Variants in PTPRG observed in about 807,000 individuals in gnomAD.
The protein encoded by PTPRG is receptor-type tyrosine-protein phosphatase gamma.
Under a neutral mutation model 165.3 loss-of-function variants are expected in PTPRG, and 102 were observed. The ratio of observed to expected loss-of-function variants is 0.62; its 90% confidence interval spans 0.53 to 0.73. The LOEUF (loss-of-function observed/expected upper bound fraction) is 0.73, where lower values mean the gene tolerates loss of function less well. Ranked by LOEUF, PTPRG falls within the 30% of genes least tolerant of loss-of-function variation. The pLI, the probability that PTPRG is intolerant of heterozygous loss-of-function variation, is 0.00. For missense variants in PTPRG, 1,866 were observed against 1,861.4 expected (o/e 1.00, Z -0.05); for synonymous variants, 675 against 669.5 (o/e 1.01, Z -0.13).
chr3:62,089,159 G>C (rs767321224), intron 5 of PTPRG, among the ~76,000 whole-genome samples: 1 of 152,182 alleles, frequency 6.6e-6, no homozygotes, highest in Non-Finnish European at 1.5e-5. Flanking sequence ...GATAATGCCT[G>C]CCTGTCTCTT....
In PTPRG at chr3:61,620,543, T is replaced by C. The variant is rs549647904; in HGVS notation, c.85+58171T>C. Among the ~76,000 whole-genome samples, 8 of 152,328 alleles carry C rather than the reference T, an allele frequency of 5.3e-5. No homozygotes were observed. In the South Asian group the frequency reaches 1.7e-3, roughly 32 times the overall value. On this transcript the variant is annotated intron_variant, in intron 1 of 29. Coordinates refer to ENST00000474889, the MANE Select transcript of PTPRG (RefSeq NM_002841.4). ...GACTGAAATGAAACTTGAGGGTTTT[T>C]TTTGTTCCTCGTCCGGTGAATGGAG...
At chr3:62,003,248 T>C in intron 3 of PTPRG, 101 bp from the exon 4 acceptor site, 1 of 1,345,824 alleles carries the variant, frequency 7.4e-7, no homozygotes, top group South Asian at 1.4e-5. Context: ...AGGACATAAT[T>C]CATATCATGG....
At chr3:61,705,539 A>G (rs986971367) in intron 1 of PTPRG, among the ~76,000 whole-genome samples, 3 of 152,192 alleles carry the variant, frequency 2.0e-5, no homozygotes, top group Non-Finnish European at 4.4e-5. Flanking sequence ...TACTGTCGCC[A>G]TCACCGCATC....
At chr3:62,183,033 G>T (rs1354208443) in intron 8 of PTPRG, among the ~76,000 whole-genome samples, 1 of 152,212 alleles carries the variant, frequency 6.6e-6, no homozygotes, top group Admixed American at 6.5e-5. Flanking sequence ...TATCCCAGAA[G>T]CTTTTACCCA....
intron 4 of PTPRG, among the ~76,000 whole-genome samples, chr3:62,009,524 C>T (rs2041369917): frequency 6.6e-6 from 1 of 152,230 alleles, no homozygotes; most frequent in Non-Finnish European, 1.5e-5. Flanking sequence ...ATCCTGCCTT[C>T]CTCCTGAGAG....
At chr3:61,817,944 G>A (rs867343777) in intron 2 of PTPRG, among the ~76,000 whole-genome samples, 3 of 152,034 alleles carry the variant, frequency 2.0e-5, no homozygotes, top group South Asian at 2.1e-4. Flanking sequence ...AAGATGGGGC[G>A]GTGAGAGTCA....
chr3:61,984,111 A>T (rs566011913), intron 2 of PTPRG, among the ~76,000 whole-genome samples: 14 of 152,250 alleles, frequency 9.2e-5, no homozygotes, highest in African/African-American at 3.4e-4. Context: ...TGTGTGATTT[A>T]TTCTCCCTAC....
At chr3:61,573,629 T>G (rs2106779447) in intron 1 of PTPRG, among the ~76,000 whole-genome samples, 1 of 152,342 alleles carries the variant, frequency 6.6e-6, no homozygotes, top group Admixed American at 6.5e-5. Flanking sequence ...GGCTATGTTC[T>G]TTGAGGGCAG....
Position 61,890,412 on chromosome 3 carries a change from G to GTTTTTTTT in PTPRG, c.191-99210_191-99203dup, listed in dbSNP as rs1388100597. On this transcript the variant is annotated intron_variant, in intron 2 of 29. Coordinates refer to ENST00000474889, the MANE Select transcript of PTPRG (RefSeq NM_002841.4). Reference sequence around the variant, plus strand: ...GTTTTGGGCGGGTTTCTTGTTCTTTGTTTTTTTTTTGTTTTTTTTTTTTTT... The same window carrying GTTTTTTTT: ...GTTTTGGGCGGGTTTCTTGTTCTTTGTTTTTTTTTTTTTTTTTTGTTTTTTTTTTTTTT... Among the ~76,000 whole-genome samples, 156 of 95,348 alleles carry GTTTTTTTT rather than the reference G, an allele frequency of 1.6e-3. 6 individuals are homozygous for GTTTTTTTT. Among genetic ancestry groups the GTTTTTTTT allele is most frequent in the African/African-American group, 5.0e-3 (109 of 21,854 alleles). 62.6% of individuals were successfully genotyped at this position (95,348 alleles called of 152,430 possible). A position where few individuals can be genotyped will look rare whatever the true frequency, so the allele number is the denominator to read the frequency against.
At chr3:62,070,938 A>G (rs1701188864) in intron 4 of PTPRG, among the ~76,000 whole-genome samples, 1 of 149,146 alleles carries the variant, frequency 6.7e-6, no homozygotes, top group Admixed American at 6.7e-5. Context: ...AGTATAATTA[A>G]AAAAAAAAAG....
In PTPRG at chr3:62,231,249, G is replaced by A; in HGVS notation, c.2313G>A (p.Lys771=). The change falls in exon 14 of 30, where the codon AAG becomes AAA. Residue 771 remains lysine (K), a synonymous_variant. Coordinates refer to ENST00000474889, the MANE Select transcript of PTPRG (RefSeq NM_002841.4). ...GAGGGTGTAACAAAATAAAGTCCAA[G>A]GGCTTTCCCAGACGTTTCCGTGAAG... ...YWRGCNKIKS[K]GFPRRFREVP... is the part of the protein sequence containing the mutation. 6.3e-7 allele frequency: 1 copy of A among 1,590,806 alleles called. No individual in the cohort carries two copies. Among genetic ancestry groups the A allele is most frequent in the Non-Finnish European group, 8.6e-7 (1 of 1,168,180 alleles).
chr3:61,854,982 C>A (rs570324345), intron 2 of PTPRG, among the ~76,000 whole-genome samples: 2 of 152,162 alleles, frequency 1.3e-5, no homozygotes, highest in East Asian at 3.9e-4. Context: ...GAGGGAATGC[C>A]GCTGGTTTAT....
chr3:62,087,030 A>T (rs947261982), intron 5 of PTPRG, among the ~76,000 whole-genome samples: 2 of 152,236 alleles, frequency 1.3e-5, no homozygotes, highest in African/African-American at 4.8e-5. Context: ...CACTTCAAGG[A>T]CGTTACCAAG....
Position 61,921,154 on chromosome 3 carries a change from T to TCCTTCCTTCTTA in PTPRG, c.191-68467_191-68456dup, listed in dbSNP as rs1553691463. Among the ~76,000 whole-genome samples the TCCTTCCTTCTTA allele has an allele frequency of 4.9e-4, 74 of 150,902 alleles. 1 individual carries two copies. In the South Asian group the frequency reaches 0.011, roughly 22 times the overall value. On this transcript the variant is annotated intron_variant, in intron 2 of 29. Transcript: ENST00000474889. ...TTCCTTCCTTCCTTCCTTCCTTCCT[T>TCCTTCCTTCTTA]CCTTCCTTCTTACCTATCTACAGCT...
Position 61,696,501 on chromosome 3 carries a change from T to C in PTPRG, c.86-52377T>C, listed in dbSNP as rs139540314. Among the ~76,000 whole-genome samples the C allele has an allele frequency of 9.7e-4, 147 of 152,264 alleles. 1 individual carries two copies. Among genetic ancestry groups the C allele is most frequent in the African/African-American group, 3.4e-3 (142 of 41,540 alleles). On this transcript the variant is annotated intron_variant, in intron 1 of 29. Coordinates refer to ENST00000474889, the MANE Select transcript of PTPRG (RefSeq NM_002841.4). ...TGGGCGACAAGAGTGGGATTCCGTCTCAAAAACAAACAAACAAACAAATTC... is the reference window on the plus strand; with the variant it reads ...TGGGCGACAAGAGTGGGATTCCGTCCCAAAAACAAACAAACAAACAAATTC...
At chr3:62,027,278 G>A (rs113794608) in intron 4 of PTPRG, among the ~76,000 whole-genome samples, 5 of 152,222 alleles carry the variant, frequency 3.3e-5, no homozygotes, top group African/African-American at 1.2e-4. Context: ...CATTATGAGG[G>A]CAAGAAAGTC....
At chr3:61,749,151 C>T (rs1277688857) in intron 2 of PTPRG, 169 bp downstream of exon 2, 1 of 708,290 alleles carries the variant, frequency 1.4e-6, no homozygotes, top group Non-Finnish European at 2.5e-6. Flanking sequence ...AGGTTATAAG[C>T]ACCTTAATTT....
intron 2 of PTPRG, among the ~76,000 whole-genome samples, chr3:61,809,322 C>T (rs1327746604): frequency 1.3e-5 from 2 of 151,698 alleles, no homozygotes; most frequent in African/African-American, 4.8e-5. Flanking sequence ...ACTCTTTTTT[C>T]AGAGAAAAAT....
At chr3:61,752,794 A>AAAAAATAAT (rs1553660786) in intron 2 of PTPRG, among the ~76,000 whole-genome samples, 1 of 105,966 alleles carries the variant, frequency 9.4e-6, no homozygotes, top group Non-Finnish European at 2.0e-5. Context: ...TCAAAAAAAA[A>AAAAAATAAT]AAAAAAAGAA....
Sources: gnomAD v4.1 joint callset for allele counts (sites outside exome capture counted in the v4.1 genomes callset) on GRCh38, gnomAD v4.1.1 for gene constraint, MANE v1.5 for transcripts, NCBI Gene and HGNC (gene_info 2026-07-23, HGNC 2026-07-21) for gene names.